The following TSHZ3 variants were observed in gnomAD, a reference collection of about 807,000 sequenced individuals.
TSHZ3 encodes the protein teashirt zinc finger homeobox 3, also known as teashirt homolog 3.
In TSHZ3, 10 loss-of-function variants were observed where a neutral mutation model predicts 64.5. The observed-to-expected ratio is 0.16, with a 90% CI of 0.10 to 0.26. The LOEUF is 0.26. Ranked by LOEUF, TSHZ3 falls within the 10% of genes least tolerant of loss-of-function variation. The pLI is 1.00. For synonymous variants in TSHZ3, 608 were observed against 593.1 expected, an observed-to-expected ratio of 1.03 and a Z score of -0.36; for missense variants, 1,242 against 1,421.7, an observed-to-expected ratio of 0.87 and a Z score of 2.03.
intron 5 of TSHZ3, among the ~76,000 whole-genome samples, chr19:31,173,554 A>G (rs1974565511): frequency 6.6e-6 from 1 of 152,212 alleles, no homozygotes; most frequent in Non-Finnish European, 1.5e-5. Flanking sequence ...AGCACTCATA[A>G]GTATTTTACT....
intron 1 of TSHZ3, chr19:31,308,827 A>C: frequency 2.5e-6 from 1 of 395,606 alleles, no homozygotes; most frequent in Non-Finnish European, 4.4e-6. Flanking sequence ...GATGGGCTTC[A>C]TTTGAAATGA....
rs116045940 is a variant in TSHZ3 at position 31,155,099 on chromosome 19, G to A, written n.871+1257C>T. ...AGGACCAGCCCTGTCTGGAATCAGA[G>A]CAAATGGATGGAAAAGCAGAGCTAG... On this transcript the variant is annotated intron_variant and non_coding_transcript_variant, in intron 6 of 6. Coordinates refer to the TSHZ3 transcript ENST00000651361. Among the ~76,000 whole-genome samples, 571 of 152,344 alleles carry A rather than the reference G, an allele frequency of 3.7e-3. 3 individuals carry two copies. The highest frequency in any genetic ancestry group is 0.011 in the African/African-American group (476 of 41,586).
intron 1 of TSHZ3, among the ~76,000 whole-genome samples, chr19:31,249,288 G>C (rs927386958): frequency 6.6e-6 from 1 of 152,184 alleles, no homozygotes; most frequent in African/African-American, 2.4e-5. Context: ...TTATTCAGAG[G>C]GGCAGGATAG....
At chr19:31,257,186 T>C (rs1975921925) in intron 1 of TSHZ3, among the ~76,000 whole-genome samples, 1 of 151,920 alleles carries the variant, frequency 6.6e-6, no homozygotes, top group Admixed American at 6.6e-5. Flanking sequence ...GAGGGAAGGA[T>C]GTAAGCCAAG....
chr19:31,330,714 G>C (rs984610004), intron 1 of TSHZ3, among the ~76,000 whole-genome samples: 13 of 151,556 alleles, frequency 8.6e-5, no homozygotes, highest in East Asian at 1.9e-4. Flanking sequence ...TTGGGCGGGG[G>C]GAGGAAAGTC....
At chr19:31,245,236 A>G (rs1975745497) in intron 1 of TSHZ3, among the ~76,000 whole-genome samples, 2 of 152,210 alleles carry the variant, frequency 1.3e-5, no homozygotes, top group African/African-American at 2.4e-5. Flanking sequence ...AGGCCCCAAC[A>G]TTTGCTGTGC....
chr19:31,195,668 A>T lies in TSHZ3; in HGVS notation n.809+9288T>A, dbSNP rs760965400. The T allele has an allele frequency of 2.0e-5, 3 of 152,052 alleles. No individual in the cohort carries two copies. In the East Asian group the frequency reaches 5.8e-4, roughly 29 times the overall value. 9.4% of individuals were successfully genotyped at this position (152,052 alleles called of 1,614,324 possible). On this transcript the variant is annotated intron_variant and non_coding_transcript_variant, in intron 5 of 6. Transcript: ENST00000651361. The stretch of plus-strand genomic sequence containing the variant: ...ATAGGTCAGACACTTGGATCTACAT[A>T]AAAAAAGGAAGAAACCAAAGGAGAA...
chr19:31,280,642 C>G (rs187896939), intron 1 of TSHZ3, among the ~76,000 whole-genome samples: 1 of 152,322 alleles, frequency 6.6e-6, no homozygotes, highest in Admixed American at 6.5e-5. Context: ...AGTGTTTGCT[C>G]TTTAGACTAC....
intron 1 of TSHZ3, among the ~76,000 whole-genome samples, chr19:31,287,006 A>G (rs1441353189): frequency 6.6e-6 from 1 of 152,236 alleles, no homozygotes; most frequent in South Asian, 2.1e-4. Context: ...TAAAACAGTA[A>G]GCTGGGGCAT....
chr19:31,256,086 G>T (rs1203385027), intron 1 of TSHZ3, among the ~76,000 whole-genome samples: 2 of 152,064 alleles, frequency 1.3e-5, no homozygotes, highest in Non-Finnish European at 2.9e-5. Flanking sequence ...TGCAGCCTTG[G>T]TCCCCATGTT....
chr19:31,336,460 G>C (rs570170552), intron 1 of TSHZ3, among the ~76,000 whole-genome samples: 1 of 152,158 alleles, frequency 6.6e-6, no homozygotes, highest in Non-Finnish European at 1.5e-5. Flanking sequence ...CCTTGAGCAT[G>C]TTCCAGTTAG....
chr19:31,213,617 C>A (rs552155171), intron 4 of TSHZ3, among the ~76,000 whole-genome samples: 1 of 152,192 alleles, frequency 6.6e-6, no homozygotes, highest in South Asian at 2.1e-4. Context: ...AAAGGTACCA[C>A]CCTGGTGGGG....
downstream of TSHZ3, among the ~76,000 whole-genome samples, chr19:31,272,309 G>C (rs528769974): frequency 1.3e-5 from 2 of 152,268 alleles, no homozygotes; most frequent in Admixed American, 1.3e-4. Context: ...CTGGGGATCA[G>C]TGAAGTCACC....
intron 4 of TSHZ3, among the ~76,000 whole-genome samples, chr19:31,216,635 T>C (rs1975335812): frequency 6.6e-6 from 1 of 150,412 alleles, no homozygotes; most frequent in Admixed American, 6.7e-5. Context: ...TTTTGTTTTG[T>C]TTTGTTTTGT....
At chr19:31,286,641 C>G (rs567379230) in intron 1 of TSHZ3, among the ~76,000 whole-genome samples, 9 of 152,236 alleles carry the variant, frequency 5.9e-5, no homozygotes, top group African/African-American at 1.9e-4. Context: ...TTTGCCTGAA[C>G]TCCTAAGACC....
chr19:31,340,944 A>G (rs1339282714), intron 1 of TSHZ3, among the ~76,000 whole-genome samples: 1 of 152,184 alleles, frequency 6.6e-6, no homozygotes, highest in Non-Finnish European at 1.5e-5. Context: ...CCATCTCTCA[A>G]CCACTGTAAC....
In TSHZ3 at chr19:31,349,155, A is replaced by C. The variant is rs1162976373; in HGVS notation, c.40+25T>G. ...AGCGGAGGAAGAGGAGGAGGAGAGC[A>C]GAAGGAAGGGGAAGCGGCTCGTACC... On this transcript the variant is annotated intron_variant, in intron 1 of 1. Transcript: ENST00000240587. 7.8e-6 allele frequency: 12 copies of C among 1,539,834 alleles called. No individual in the cohort carries two copies. In the Admixed American group the frequency reaches 2.4e-4, roughly 31 times the overall value.
intron 1 of TSHZ3, among the ~76,000 whole-genome samples, chr19:31,318,222 T>C (rs1916660557): frequency 6.6e-6 from 1 of 152,254 alleles, no homozygotes; most frequent in Admixed American, 6.5e-5. Flanking sequence ...TTCTTTGATA[T>C]TGTATTTTAA....
intron 4 of TSHZ3, among the ~76,000 whole-genome samples, chr19:31,210,587 A>G (rs953596532): frequency 3.3e-5 from 5 of 152,124 alleles, no homozygotes; most frequent in Admixed American, 2.0e-4. Flanking sequence ...AAGAAGAAAC[A>G]GGGGAGATTT....
Sources: gnomAD v4.1 joint callset for allele counts (sites outside exome capture counted in the v4.1 genomes callset) on GRCh38, gnomAD v4.1.1 for gene constraint, MANE v1.5 for transcripts, NCBI Gene and HGNC (gene_info 2026-07-23, HGNC 2026-07-21) for gene names.